The following MDGA2 variants were observed in gnomAD, a reference collection of about 807,000 sequenced individuals.
MDGA2 encodes the protein MAM domain-containing glycosylphosphatidylinositol anchor protein 2.
A neutral mutation model predicts 117.8 loss-of-function variants in MDGA2; 40 were observed. The observed-to-expected ratio is 0.34, with a 90% CI of 0.26 to 0.44. MDGA2 has a LOEUF of 0.44. MDGA2 is among the 20% of genes least tolerant of loss of function. The pLI, the probability that MDGA2 is intolerant of heterozygous loss-of-function variation, is 1.00. For synonymous variants in MDGA2, 452 were observed against 439.0 expected (o/e 1.03, Z -0.37); for missense variants, 1,123 against 1,250.6 (o/e 0.90, Z 1.54).
chr14:47,054,315 C>T (rs1333767883), intron 7 of MDGA2, among the ~76,000 whole-genome samples: 1 of 151,070 alleles, frequency 6.6e-6, no homozygotes, highest in Admixed American at 6.6e-5. Context: ...GAGTGAGTCT[C>T]AAAGCTCTTA....
At chr14:47,019,124 C>A (rs1888192654) in intron 8 of MDGA2, among the ~76,000 whole-genome samples, 1 of 152,070 alleles carries the variant, frequency 6.6e-6, no homozygotes, top group Non-Finnish European at 1.5e-5. Flanking sequence ...TTCCTCACAG[C>A]TTTCAAATTT....
chr14:47,561,175 G>GGT (rs1555332274), intron 1 of MDGA2, among the ~76,000 whole-genome samples: 5 of 69,394 alleles, frequency 7.2e-5, no homozygotes, highest in Admixed American at 3.4e-4. Flanking sequence ...TTTTTTGTTT[G>GGT]TTTGTTTTTT....
chr14:47,539,430 A>G (rs1258209287), intron 1 of MDGA2, among the ~76,000 whole-genome samples: 1 of 152,210 alleles, frequency 6.6e-6, no homozygotes, highest in African/African-American at 2.4e-5. Flanking sequence ...TGGAGGGTCT[A>G]ACTCCATTAC....
rs890501602 is a variant in MDGA2, at chr14:47,344,938, A to G, written c.281-43388T>C. ...ATGAATTGGTAATCATTATTTAATA[A>G]CAACTTCTAAAAAAACTTACAGGAG... is the stretch of plus-strand genomic sequence containing the variant. On this transcript the variant is annotated intron_variant, in intron 1 of 16. Transcript: ENST00000399232. Among the ~76,000 whole-genome samples the G allele has an allele frequency of 2.0e-5, 3 of 152,042 alleles. No individual in the cohort carries two copies. The South Asian group carries it at 6.2e-4, about 31-fold the overall frequency.
At chr14:47,152,449 T>G (rs1315147399) in intron 3 of MDGA2, among the ~76,000 whole-genome samples, 1 of 152,174 alleles carries the variant, frequency 6.6e-6, no homozygotes, top group Non-Finnish European at 1.5e-5. Flanking sequence ...ATATGCCAAC[T>G]AATTTCATTT....
At chr14:47,345,771 G>A (rs575662728) in intron 1 of MDGA2, among the ~76,000 whole-genome samples, 1 of 152,260 alleles carries the variant, frequency 6.6e-6, no homozygotes, top group African/African-American at 2.4e-5. Flanking sequence ...TCACAGAAGT[G>A]TAGCATGTGT....
chr14:46,957,591 T>C lies in MDGA2; in HGVS notation c.1872A>G (p.Arg624=). 1 of 1,614,166 alleles carries C rather than the reference T, an allele frequency of 6.2e-7. No homozygotes were observed. Among genetic ancestry groups the C allele is most frequent in the Non-Finnish European group, 8.5e-7 (1 of 1,180,006 alleles). The change falls in exon 9 of 17, where the codon CGA becomes CGG. Residue 624 remains arginine, a synonymous_variant. Coordinates refer to ENST00000399232, the MANE Select transcript of MDGA2 (RefSeq NM_001113498.3). ...GTACTCTGCAACTCATAGTGACACTTCGATCCTGTCCTTGCCGGATTTCCA... is the reference window on the plus strand; with the variant it reads ...GTACTCTGCAACTCATAGTGACACTCCGATCCTGTCCTTGCCGGATTTCCA... ...AFLEIRQGQD[R]SVTMSCRVLR...
At chr14:47,102,460 T>C (rs1018360651) in intron 5 of MDGA2, among the ~76,000 whole-genome samples, 1 of 151,730 alleles carries the variant, frequency 6.6e-6, no homozygotes, top group African/African-American at 2.4e-5. Context: ...AATTTTAAAA[T>C]GCTCAGGTAG....
At chr14:47,015,172 G>A (rs1415407119) in intron 8 of MDGA2, among the ~76,000 whole-genome samples, 1 of 152,030 alleles carries the variant, frequency 6.6e-6, no homozygotes, top group African/African-American at 2.4e-5. Context: ...TATGGGTGTG[G>A]TTCATGGCAC....
chr14:47,185,662 C>T (rs974242804), intron 3 of MDGA2, among the ~76,000 whole-genome samples: 1 of 151,490 alleles, frequency 6.6e-6, no homozygotes, highest in African/African-American at 2.4e-5. Flanking sequence ...CTGTTTCATG[C>T]GGCTAACATA....
Position 46,862,595 on chromosome 14 carries a change from T to C in MDGA2, c.2753-7441A>G, listed in dbSNP as rs148575681. ...GTGCATACATATTCCCCATAGAGTC[T>C]TGAAATTGCCACATTTACATGAATT... On this transcript the variant is annotated intron_variant, in intron 14 of 16. Coordinates refer to ENST00000399232, the MANE Select transcript of MDGA2 (RefSeq NM_001113498.3). Among the ~76,000 whole-genome samples, 695 of 151,954 alleles carry C rather than the reference T, an allele frequency of 4.6e-3. 2 individuals carry two copies. The highest frequency in any genetic ancestry group is 0.016 in the African/African-American group (649 of 41,528).
At chr14:47,653,185 T>C (rs1466097562) in intron 1 of MDGA2, among the ~76,000 whole-genome samples, 7 of 152,118 alleles carry the variant, frequency 4.6e-5, no homozygotes, top group African/African-American at 1.7e-4. Flanking sequence ...AAAAATCAAT[T>C]TTCTATGGAA....
At chr14:47,062,748 A>G (rs2138793670) in intron 6 of MDGA2, among the ~76,000 whole-genome samples, 1 of 152,142 alleles carries the variant, frequency 6.6e-6, no homozygotes, top group Non-Finnish European at 1.5e-5. Context: ...TATTTTTGTC[A>G]GTTAGTCCAA....
At chr14:47,262,511 C>G (rs1375319753) in intron 2 of MDGA2, among the ~76,000 whole-genome samples, 4 of 152,148 alleles carry the variant, frequency 2.6e-5, no homozygotes, top group African/African-American at 9.7e-5. Context: ...TTGTAAAATA[C>G]ATATAAAATA....
At chr14:47,668,003 C>A (rs941467242) in intron 1 of MDGA2, among the ~76,000 whole-genome samples, 1 of 152,074 alleles carries the variant, frequency 6.6e-6, no homozygotes, top group Admixed American at 6.6e-5. Context: ...TTTCATCATA[C>A]CATAATATGT....
intron 1 of MDGA2, among the ~76,000 whole-genome samples, chr14:47,356,381 C>T (rs532720330): frequency 6.6e-6 from 1 of 152,136 alleles, no homozygotes; most frequent in Non-Finnish European, 1.5e-5. Flanking sequence ...TAAAATGAAC[C>T]CTGTCTTTTC....
At chr14:46,964,048 G>T (rs1885917460) in intron 8 of MDGA2, among the ~76,000 whole-genome samples, 1 of 152,142 alleles carries the variant, frequency 6.6e-6, no homozygotes, top group African/African-American at 2.4e-5. Context: ...TCTGGGACCA[G>T]GACACAAGTG....
intron 9 of MDGA2, among the ~76,000 whole-genome samples, chr14:46,945,542 C>T (rs1885142907): frequency 6.6e-6 from 1 of 152,066 alleles, no homozygotes; most frequent in Non-Finnish European, 1.5e-5. Flanking sequence ...TAAGGATCCA[C>T]ACTAACTCCT....
At chr14:47,036,096 C>T (rs1286348726) in intron 7 of MDGA2, among the ~76,000 whole-genome samples, 1 of 151,402 alleles carries the variant, frequency 6.6e-6, no homozygotes, top group Non-Finnish European at 1.5e-5. Flanking sequence ...GGTGAAACCC[C>T]GTCTCTACTA....
Sources: allele counts gnomAD v4.1 joint callset (sites outside exome capture counted in the v4.1 genomes callset), GRCh38; gene constraint gnomAD v4.1.1; transcripts MANE v1.5; gene names NCBI Gene and HGNC (gene_info 2026-07-23, HGNC 2026-07-21).